CDC42SE2: variants seen among roughly 807,000 people sequenced by gnomAD.
CDC42SE2 encodes CDC42 small effector 2.
CDC42SE2 carries 3 observed loss-of-function variants against 11.5 expected under a neutral mutation model. The ratio of observed to expected loss-of-function variants is 0.26; its 90% CI spans 0.12 to 0.67. The LOEUF (loss-of-function observed/expected upper bound fraction) is 0.67. Ranked by LOEUF, CDC42SE2 falls within the 30% of genes least tolerant of loss-of-function variation. The pLI is 0.80. For synonymous variants in CDC42SE2, 33 were observed against 34.8 expected, an observed-to-expected ratio of 0.95 and a Z score of 0.18; for missense variants, 82 against 106.8, an observed-to-expected ratio of 0.77 and a Z score of 1.02.
intron 1 of CDC42SE2, among the ~76,000 whole-genome samples, chr5:131,309,423 T>C (rs1757851154): frequency 6.6e-6 from 1 of 152,190 alleles, no homozygotes; most frequent in Non-Finnish European, 1.5e-5. Context: ...TGGTTGTGTC[T>C]CTGCGCGGCG....
chr5:131,345,980 A>C (rs899281094), intron 2 of CDC42SE2, among the ~76,000 whole-genome samples: 1 of 152,240 alleles, frequency 6.6e-6, no homozygotes, highest in East Asian at 1.9e-4. Context: ...GGCCTCCCTT[A>C]CAAGAGCTCC....
intron 1 of CDC42SE2, among the ~76,000 whole-genome samples, chr5:131,253,788 AG>A (rs1756659002): frequency 6.6e-6 from 1 of 152,248 alleles, no homozygotes; most frequent in African/African-American, 2.4e-5. Context: ...AATTAAAAAA[AG>A]AACTTCTTAC....
intron 3 of CDC42SE2, among the ~76,000 whole-genome samples, chr5:131,379,669 A>G (rs1229671771): frequency 6.6e-6 from 1 of 152,204 alleles, no homozygotes; most frequent in African/African-American, 2.4e-5. Context: ...CTCCACACTA[A>G]CATAGCAGTT....
intron 2 of CDC42SE2, among the ~76,000 whole-genome samples, chr5:131,323,431 A>G (rs1758234627): frequency 6.6e-6 from 1 of 151,976 alleles, no homozygotes. Flanking sequence ...TTTTATTACT[A>G]AAAAATACAA....
rs1749641650 is a variant in CDC42SE2, at chr5:131,359,279, T to C, written c.-215T>C. ...TCGTCGTGGTTCAGAAAGGAGTCTC[T>C]GTAGAACCAGAAGCAAAGAAAGGAA... is the stretch of plus-strand genomic sequence containing the variant. On this transcript the variant is annotated 5_prime_UTR_variant, in exon 3 of 5. Coordinates refer to ENST00000505065, the MANE Select transcript of CDC42SE2 (RefSeq NM_001375635.1). 1.7e-6 allele frequency: 1 copy of C among 592,434 alleles called. No individual in the cohort carries two copies. The highest frequency in any genetic ancestry group is 3.0e-6 in the Non-Finnish European group (1 of 332,208). 36.7% of individuals were successfully genotyped at this position (592,434 alleles called of 1,614,324 possible). A position where few individuals can be genotyped will look rare whatever the true frequency, so the allele number is the denominator to read the frequency against.
intron 1 of CDC42SE2, among the ~76,000 whole-genome samples, chr5:131,266,828 C>T (rs972005370): frequency 4.0e-5 from 6 of 151,744 alleles, no homozygotes; most frequent in Admixed American, 6.6e-5. Flanking sequence ...GTGTATTTCT[C>T]GGAAGAAGTT....
chr5:131,216,282 A>G, the CDC42SE2 span, among the ~76,000 whole-genome samples: 1 of 152,068 alleles, frequency 6.6e-6, no homozygotes, highest in Non-Finnish European at 1.5e-5. Flanking sequence ...GGACCACTTG[A>G]GCTCAGGAGT....
intron 2 of CDC42SE2, among the ~76,000 whole-genome samples, chr5:131,349,702 G>A (rs956267583): frequency 1.3e-5 from 2 of 152,120 alleles, no homozygotes; most frequent in Non-Finnish European, 2.9e-5. Context: ...TCACATGATG[G>A]AAATTTTATG....
intron 2 of CDC42SE2, among the ~76,000 whole-genome samples, chr5:131,322,041 G>A (rs1288527276): frequency 1.3e-5 from 2 of 152,018 alleles, no homozygotes; most frequent in African/African-American, 2.4e-5. Flanking sequence ...TAGTAGAGAC[G>A]GGGTTTCACC....
intron 3 of CDC42SE2, among the ~76,000 whole-genome samples, chr5:131,364,187 G>C (rs1310939246): frequency 6.6e-6 from 1 of 152,180 alleles, no homozygotes; most frequent in Non-Finnish European, 1.5e-5. Context: ...GTATCAGGTG[G>C]TGATAAGTGC....
At position 131,393,492 on chromosome 5, in the gene CDC42SE2, G is replaced by A. The variant is rs1216482105; in HGVS notation, c.*2401G>A. On this transcript the variant is annotated 3_prime_UTR_variant, in exon 5 of 5. Coordinates refer to ENST00000505065, the MANE Select transcript of CDC42SE2 (RefSeq NM_001375635.1). ...AGTTTGTTTAATAACAACTTCTAAA[G>A]TAAGTTGAATTCATCCATTGTCACT... The A allele has an allele frequency of 6.6e-6, 1 of 152,378 alleles. No homozygotes were observed. Among genetic ancestry groups the A allele is most frequent in the East Asian group, 1.9e-4 (1 of 5,342 alleles). 9.4% of individuals were successfully genotyped at this position (152,378 alleles called of 1,614,324 possible).
chr5:131,274,453 C>A (rs1757059587), intron 1 of CDC42SE2, among the ~76,000 whole-genome samples: 1 of 152,234 alleles, frequency 6.6e-6, no homozygotes, highest in Non-Finnish European at 1.5e-5. Context: ...TTGCTCTCTT[C>A]ATCTGCTGCC....
In CDC42SE2 at chr5:131,359,306, C is replaced by A; in HGVS notation, c.-188C>A. On this transcript the variant is annotated 5_prime_UTR_variant, in exon 3 of 5. Transcript: ENST00000505065. ...TAGAACCAGAAGCAAAGAAAGGAAA[C>A]AATCCAAATTTTTCTTTATTAAATC... The A allele has an allele frequency of 1.6e-6, 1 of 611,368 alleles. No individual in the cohort carries two copies. The highest frequency in any genetic ancestry group is 2.9e-5 in the Admixed American group (1 of 34,358). 37.9% of individuals were successfully genotyped at this position (611,368 alleles called of 1,614,324 possible).
upstream of CDC42SE2, among the ~76,000 whole-genome samples, chr5:131,241,840 T>C (rs1280350874): frequency 1.4e-5 from 2 of 137,982 alleles, no homozygotes; most frequent in African/African-American, 2.8e-5. Flanking sequence ...CCCTGTCCAC[T>C]TCCTAGTCCT....
chr5:131,321,946 G>A (rs998518438), intron 2 of CDC42SE2, among the ~76,000 whole-genome samples: 15 of 152,146 alleles, frequency 9.9e-5, no homozygotes, highest in Admixed American at 9.8e-4. Context: ...CGCCTCCCGG[G>A]TTCATGCCAT....
rs765494600 is a variant in CDC42SE2, at chr5:131,391,094, C to T, written c.*3C>T. 38 of 1,609,548 alleles carry T rather than the reference C, an allele frequency of 2.4e-5. No individual in the cohort carries two copies. In the South Asian group the frequency reaches 4.0e-4, roughly 17 times the overall value. ...TCGTGGATACGAAGGCGGGATAGCC[C>T]TGGTCCTTTCTCCAGTGAGTACTCA... On this transcript the variant is annotated 3_prime_UTR_variant, in exon 5 of 5. Coordinates refer to ENST00000505065, the MANE Select transcript of CDC42SE2 (RefSeq NM_001375635.1).
intron 2 of CDC42SE2, among the ~76,000 whole-genome samples, chr5:131,338,821 T>G (rs755046189): frequency 3.3e-5 from 5 of 152,186 alleles, no homozygotes; most frequent in Non-Finnish European, 7.3e-5. Flanking sequence ...CATACCAGTG[T>G]GCAGTATGAA....
chr5:131,251,779 C>G lies in CDC42SE2; in HGVS notation n.108-3316C>G, dbSNP rs187140483. Reference sequence around the variant, plus strand: ...CTGTAATTGCGGAATTTTGGGATTCCGAAGAGGGTGGATCACTTGAGCCCA... The same window carrying G: ...CTGTAATTGCGGAATTTTGGGATTCGGAAGAGGGTGGATCACTTGAGCCCA... On this transcript the variant is annotated intron_variant and non_coding_transcript_variant, in intron 1 of 3. Coordinates refer to the CDC42SE2 transcript ENST00000502840. 2.8e-3 allele frequency among the ~76,000 whole-genome samples: 420 copies of G among 152,076 alleles called. 2 individuals carry two copies. The highest frequency in any genetic ancestry group is 4.4e-3 in the Non-Finnish European group (296 of 67,998).
At chr5:131,247,791 C>A (rs1410787112) in intron 1 of CDC42SE2, among the ~76,000 whole-genome samples, 1 of 151,978 alleles carries the variant, frequency 6.6e-6, no homozygotes, top group Non-Finnish European at 1.5e-5. Context: ...ATAAGCACAA[C>A]AAGCCCAGCT....
Sources: gnomAD v4.1 joint callset for allele counts (sites outside exome capture counted in the v4.1 genomes callset) on GRCh38, gnomAD v4.1.1 for gene constraint, MANE v1.5 for transcripts, NCBI Gene and HGNC (gene_info 2026-07-23, HGNC 2026-07-21) for gene names.